The following EXOSC7 variants were observed in gnomAD, a reference collection of about 807,000 sequenced individuals.
The protein encoded by EXOSC7 is exosome component 7, also known as exosome complex component RRP42.
Under a neutral mutation model 34.3 loss-of-function variants are expected in EXOSC7, and 25 were observed. The observed-to-expected ratio is 0.73, with a 90% confidence interval of 0.53 to 1.02. EXOSC7 has a LOEUF of 1.02. Ranked by LOEUF, EXOSC7 falls within the 50% of genes least tolerant of loss-of-function variation. The pLI is 0.00. For synonymous variants in EXOSC7, 130 were observed against 143.0 expected (o/e 0.91, Z 0.65); for missense variants, 370 against 368.5 (o/e 1.00, Z -0.03).
chr3:45,008,351 T>A (rs1707114154), intron 7 of EXOSC7, among the ~76,000 whole-genome samples: 1 of 152,270 alleles, frequency 6.6e-6, no homozygotes, highest in South Asian at 2.1e-4. Flanking sequence ...CAGAGATCAT[T>A]GCTTAATAGC....
At chr3:44,994,177 T>G (rs1706651629) in intron 3 of EXOSC7, among the ~76,000 whole-genome samples, 1 of 151,978 alleles carries the variant, frequency 6.6e-6, no homozygotes, top group Non-Finnish European at 1.5e-5. Context: ...CTCCTAGGGT[T>G]GTTGTGAACA....
At position 44,976,275 on chromosome 3, in the gene EXOSC7, A is replaced by T. The variant is rs756036427; in HGVS notation, c.-3A>T. On this transcript the variant is annotated 5_prime_UTR_variant, in exon 1 of 8. Transcript: ENST00000265564. Reference sequence around the variant, plus strand: ...CGTGCGGCTCGTGGGGCAGCTCGGCAGCATGGCGTCCGTGACGCTGAGCGA... The same window carrying T: ...CGTGCGGCTCGTGGGGCAGCTCGGCTGCATGGCGTCCGTGACGCTGAGCGA... 31 of 1,559,002 alleles carry T rather than the reference A, an allele frequency of 2.0e-5. No homozygotes were observed. The highest frequency in any genetic ancestry group is 2.6e-5 in the Non-Finnish European group (30 of 1,159,020).
At chr3:45,004,754 G>A (rs1048098142) in intron 5 of EXOSC7, 3 of 151,802 alleles carry the variant, frequency 2.0e-5, no homozygotes, top group Admixed American at 2.0e-4. Flanking sequence ...CTGTTGGGCT[G>A]TCTTTTTTTT....
chr3:44,986,839 T>A (rs1706432687), intron 1 of EXOSC7, among the ~76,000 whole-genome samples: 1 of 152,230 alleles, frequency 6.6e-6, no homozygotes. Flanking sequence ...TTTTTTCTGT[T>A]TAATTTCTCA....
At chr3:44,983,937 C>T (rs1160411037) in intron 1 of EXOSC7, among the ~76,000 whole-genome samples, 2 of 152,108 alleles carry the variant, frequency 1.3e-5, no homozygotes, top group Non-Finnish European at 2.9e-5. Context: ...TGTTTTCCTC[C>T]TATCCTTTTT....
intron 6 of EXOSC7, among the ~76,000 whole-genome samples, chr3:45,006,665 C>T (rs1707054944): frequency 6.6e-6 from 1 of 151,796 alleles, no homozygotes; most frequent in Admixed American, 6.6e-5. Flanking sequence ...ATCTGCCCGC[C>T]TCGGCCTCCC....
chr3:44,983,074 C>G (rs1482580611), intron 1 of EXOSC7, among the ~76,000 whole-genome samples: 5 of 152,140 alleles, frequency 3.3e-5, no homozygotes, highest in Non-Finnish European at 2.9e-5. Context: ...CTCAGAGGAC[C>G]ACTTTGAGTC....
intron 3 of EXOSC7, among the ~76,000 whole-genome samples, chr3:44,991,196 A>G (rs1008676025): frequency 1.3e-5 from 2 of 151,978 alleles, no homozygotes; most frequent in African/African-American, 4.8e-5. Flanking sequence ...ATCCATGTTC[A>G]TTTTTCTGGT....
chr3:44,990,116 T>A (rs957515431), intron 3 of EXOSC7, among the ~76,000 whole-genome samples: 1 of 152,136 alleles, frequency 6.6e-6, no homozygotes, highest in Non-Finnish European at 1.5e-5. Flanking sequence ...GCAGTATGGG[T>A]GCTGAGAAGA....
chr3:44,978,321 A>T (rs1706179199), intron 1 of EXOSC7, among the ~76,000 whole-genome samples: 1 of 152,030 alleles, frequency 6.6e-6, no homozygotes, highest in African/African-American at 2.4e-5. Context: ...TTAATAAATA[A>T]AAAGAATTCC....
chr3:44,997,302 C>G, intron 4 of EXOSC7, 50 bp downstream of exon 4: 1 of 1,539,472 alleles, frequency 6.5e-7, no homozygotes, highest in Non-Finnish European at 8.8e-7. Context: ...GTTGGAAAGA[C>G]TAGTTGGCCT....
chr3:44,986,952 G>A (rs1327307445), intron 1 of EXOSC7, among the ~76,000 whole-genome samples: 1 of 152,046 alleles, frequency 6.6e-6, no homozygotes, highest in African/African-American at 2.4e-5. Flanking sequence ...TTTCTGGGAA[G>A]CATCAACTCC....
In EXOSC7 at chr3:44,989,557, CAG is replaced by C; in HGVS notation, c.169_170del (p.Asp57HisfsTer19). On this transcript the variant is annotated frameshift_variant, in exon 3 of 8. Coordinates refer to ENST00000265564, the MANE Select transcript of EXOSC7 (RefSeq NM_015004.4). LOFTEE classifies it high-confidence loss of function. ...TCTTGCATGTGTCTGCAGGGTCACACAGACATCTTGGTGGGAGTGAAAGCAGA... is the reference window on the plus strand; with the variant it reads ...TCTTGCATGTGTCTGCAGGGTCACACACATCTTGGTGGGAGTGAAAGCAGA... The C allele has an allele frequency of 1.2e-6, 2 of 1,613,800 alleles. No homozygotes were observed. Among genetic ancestry groups the C allele is most frequent in the Non-Finnish European group, 1.7e-6 (2 of 1,179,732 alleles).
chr3:45,001,785 A>G, intron 5 of EXOSC7, 177 bp downstream of exon 5: 1 of 581,686 alleles, frequency 1.7e-6, no homozygotes, highest in East Asian at 2.8e-5. Flanking sequence ...GTGAATTAAA[A>G]CTACATATAT....
intron 1 of EXOSC7, among the ~76,000 whole-genome samples, chr3:44,981,259 G>T (rs187836640): frequency 6.6e-6 from 1 of 152,284 alleles, no homozygotes; most frequent in Admixed American, 6.5e-5. Context: ...ATGGTTTCCT[G>T]CCTCTTTTTG....
chr3:44,993,128 G>A (rs116304583), intron 3 of EXOSC7, among the ~76,000 whole-genome samples: 3,317 of 152,270 alleles, frequency 0.022, 75 homozygotes, highest in Middle Eastern at 0.075. Context: ...ACCTGCAGAA[G>A]CCTTTTGAGG....
chr3:44,989,492 G>A (rs1326882251), intron 2 of EXOSC7, 58 bp from the exon 3 acceptor site: 2 of 1,327,124 alleles, frequency 1.5e-6, no homozygotes, highest in East Asian at 2.3e-5. Flanking sequence ...GAGGAGGGAG[G>A]TGGTGGAGTA....
chr3:45,009,129 A>G (rs1386779957), intron 7 of EXOSC7, among the ~76,000 whole-genome samples: 1 of 152,100 alleles, frequency 6.6e-6, no homozygotes, highest in Non-Finnish European at 1.5e-5. Context: ...TGTCAGCCTT[A>G]TAAACCAGAT....
At chr3:45,005,249 TC>T in intron 5 of EXOSC7, 41 bp from the exon 6 acceptor site, 4 of 1,611,084 alleles carry the variant, frequency 2.5e-6, no homozygotes, top group South Asian at 1.1e-5. Flanking sequence ...AAGTTATTTT[TC>T]CTCCTCCAAG....
Sources: gnomAD v4.1 joint callset for allele counts (sites outside exome capture counted in the v4.1 genomes callset) on GRCh38, gnomAD v4.1.1 for gene constraint, MANE v1.5 for transcripts, NCBI Gene and HGNC (gene_info 2026-07-23, HGNC 2026-07-21) for gene names.